Variants in LRFN2 observed in about 807,000 individuals in gnomAD.
The protein encoded by LRFN2 is leucine rich repeat and fibronectin type III domain containing 2, also known as leucine-rich repeat and fibronectin type-III domain-containing protein 2.
A neutral mutation model predicts 37.3 loss-of-function variants in LRFN2; 18 were observed. That is an observed-to-expected ratio of 0.48 (90% CI 0.33 to 0.72). The LOEUF (loss-of-function observed/expected upper bound fraction) is 0.72. Among genes scored for constraint, LRFN2 ranks in the 30% least tolerant of loss-of-function variants. The pLI, the probability that LRFN2 is intolerant of heterozygous loss-of-function variation, is 0.02. For missense variants in LRFN2, 1,006 were observed against 1,060.7 expected (o/e 0.95, Z 0.72); for synonymous variants, 556 against 466.6 (o/e 1.19, Z -2.47).
chr6:40,584,950 C>T (rs550219131), intron 1 of LRFN2, among the ~76,000 whole-genome samples: 72 of 152,238 alleles, frequency 4.7e-4, no homozygotes, highest in African/African-American at 1.6e-3. Context: ...ATTTTCTTCC[C>T]ATCTATCTTG....
chr6:40,395,001 A>G (rs2082558), intron 2 of LRFN2, among the ~76,000 whole-genome samples: 38,282 of 118,118 alleles, frequency 0.32, 5,280 homozygotes, highest in Non-Finnish European at 0.34. Context: ...GTATGTCTTT[A>G]TCAGCAGCGT....
At chr6:40,486,126 T>G (rs896926169) in intron 1 of LRFN2, among the ~76,000 whole-genome samples, 1 of 152,132 alleles carries the variant, frequency 6.6e-6, no homozygotes, top group Non-Finnish European at 1.5e-5. Flanking sequence ...TTTTGGCCCT[T>G]CTGGCCTATG....
At chr6:40,485,854 T>C (rs1403691875) in intron 1 of LRFN2, among the ~76,000 whole-genome samples, 2 of 152,162 alleles carry the variant, frequency 1.3e-5, no homozygotes, top group Non-Finnish European at 2.9e-5. Flanking sequence ...ACAGTTTATT[T>C]GGGAGGTGGA....
chr6:40,434,164 G>A (rs1419493380), intron 1 of LRFN2, among the ~76,000 whole-genome samples: 1 of 152,196 alleles, frequency 6.6e-6, no homozygotes, highest in Admixed American at 6.5e-5. Context: ...GCCCCAAGAA[G>A]AAGGGACCTC....
chr6:40,433,514 A>G (rs1199610726), intron 1 of LRFN2, among the ~76,000 whole-genome samples: 2 of 152,100 alleles, frequency 1.3e-5, no homozygotes, highest in African/African-American at 4.8e-5. Context: ...GGATGGATGG[A>G]TGGATGGGTG....
chr6:40,427,997 A>C (rs1477461710), intron 2 of LRFN2, among the ~76,000 whole-genome samples: 1 of 152,246 alleles, frequency 6.6e-6, no homozygotes, highest in East Asian at 1.9e-4. Flanking sequence ...GGCTGCCTGC[A>C]TTCAGATTCC....
chr6:40,408,201 C>T (rs75108536), intron 2 of LRFN2, among the ~76,000 whole-genome samples: 17,996 of 152,122 alleles, frequency 0.12, 1,350 homozygotes, highest in Middle Eastern at 0.18. Flanking sequence ...GAACTGTCCA[C>T]TCAAATGTGG....
intron 1 of LRFN2, among the ~76,000 whole-genome samples, chr6:40,449,182 A>G (rs1415356816): frequency 6.6e-6 from 1 of 152,216 alleles, no homozygotes; most frequent in East Asian, 1.9e-4. Context: ...TCACTACAAA[A>G]GTGTTAAGTA....
chr6:40,447,478 G>A (rs1047644839), intron 1 of LRFN2, among the ~76,000 whole-genome samples: 1 of 152,070 alleles, frequency 6.6e-6, no homozygotes, highest in African/African-American at 2.4e-5. Context: ...GAACTAAATG[G>A]GGACCTGAGT....
At chr6:40,439,621 C>T (rs966490972) in intron 1 of LRFN2, among the ~76,000 whole-genome samples, 4 of 152,210 alleles carry the variant, frequency 2.6e-5, no homozygotes, top group African/African-American at 9.6e-5. Flanking sequence ...AGCACATCCG[C>T]CTCCCTGCAG....
chr6:40,552,103 T>C (rs935239391), intron 1 of LRFN2, among the ~76,000 whole-genome samples: 2 of 152,210 alleles, frequency 1.3e-5, no homozygotes, highest in African/African-American at 4.8e-5. Context: ...AACACCGTGG[T>C]TCTCAAAGTG....
chr6:40,392,370 C>A lies in LRFN2; in HGVS notation c.1943G>T (p.Arg648Leu), dbSNP rs748772451. ...APWRIPPSAPRPKPSLDRLMG... is the reference protein window; with the variant it reads ...APWRIPPSAPLPKPSLDRLMG... The stretch of plus-strand genomic sequence containing the variant: ...CAGGCGGTCAAGGCTGGGCTTGGGG[C>A]GCGGGGCGGAGGGTGGGATCCTCCA... The change falls in exon 3 of 3, where the codon CGC (arginine) becomes CTC (leucine). Residue 648 changes from arginine (R) to leucine (L), a missense_variant. Around this residue, in one of 4 missense-constraint regions of LRFN2, gnomAD observed 398 missense variants for 327.6 expected, o/e 1.21. Coordinates refer to ENST00000338305, the MANE Select transcript of LRFN2 (RefSeq NM_020737.3). This position sits in a 1 kb window ranked among gnomAD's most constrained non-coding sequence, Gnocchi z 4.7. 3.1e-6 allele frequency: 5 copies of A among 1,598,538 alleles called. No individual in the cohort carries two copies. The African/African-American group carries it at 4.0e-5, about 13-fold the overall frequency.
intron 1 of LRFN2, among the ~76,000 whole-genome samples, chr6:40,454,877 T>C (rs1358577543): frequency 6.6e-6 from 1 of 152,234 alleles, no homozygotes; most frequent in East Asian, 1.9e-4. Flanking sequence ...TGAGATCCTA[T>C]TTGTATCCCT....
At chr6:40,443,141 G>C (rs1763881901) in intron 1 of LRFN2, among the ~76,000 whole-genome samples, 1 of 152,126 alleles carries the variant, frequency 6.6e-6, no homozygotes, top group Admixed American at 6.5e-5. Flanking sequence ...ATAGACAAAG[G>C]GATCCCACGT....
chr6:40,525,766 C>G (rs1038445226), intron 1 of LRFN2, among the ~76,000 whole-genome samples: 3 of 152,114 alleles, frequency 2.0e-5, no homozygotes, highest in Non-Finnish European at 4.4e-5. Context: ...CTCCAGCCCT[C>G]CCACACTGCC....
intron 1 of LRFN2, among the ~76,000 whole-genome samples, chr6:40,500,113 T>A (rs1765338215): frequency 6.6e-6 from 1 of 152,228 alleles, no homozygotes; most frequent in South Asian, 2.1e-4. Flanking sequence ...CAGACAGCAA[T>A]GCCTGGGTCC....
In LRFN2 at chr6:40,438,594, A is replaced by G. The variant is rs144646356; in HGVS notation, c.-18-5463T>C. Among the ~76,000 whole-genome samples, 584 of 152,350 alleles carry G rather than the reference A, an allele frequency of 3.8e-3. 3 individuals carry two copies. Among genetic ancestry groups the G allele is most frequent in the Middle Eastern group, 0.014 (4 of 294 alleles). Reference sequence around the variant, plus strand: ...TCTGGCTCCAGGCCATGCTCAGAGTAAAGGAGGCCCCTCTGGAGGCTTCCA... The same window carrying G: ...TCTGGCTCCAGGCCATGCTCAGAGTGAAGGAGGCCCCTCTGGAGGCTTCCA... On this transcript the variant is annotated intron_variant, in intron 1 of 2. Coordinates refer to ENST00000338305, the MANE Select transcript of LRFN2 (RefSeq NM_020737.3).
At chr6:40,563,891 C>A (rs185175881) in intron 1 of LRFN2, among the ~76,000 whole-genome samples, 2 of 152,182 alleles carry the variant, frequency 1.3e-5, no homozygotes, top group Non-Finnish European at 2.9e-5. Flanking sequence ...CACAGACAGA[C>A]CTTGTGTGCC....
chr6:40,430,248 C>A (rs180795913), intron 2 of LRFN2, among the ~76,000 whole-genome samples: 1 of 152,324 alleles, frequency 6.6e-6, no homozygotes, highest in East Asian at 1.9e-4. Flanking sequence ...AGCTCTGCTA[C>A]GGTTTCCACA....
Sources: gnomAD v4.1 joint callset for allele counts (sites outside exome capture counted in the v4.1 genomes callset) on GRCh38, gnomAD v4.1.1 for gene constraint, gnomAD v4.1.1 regional missense constraint, Gnocchi (gnomAD v3.1) non-coding constraint, MANE v1.5 for transcripts, NCBI Gene and HGNC (gene_info 2026-07-23, HGNC 2026-07-21) for gene names.